The following HS6ST3 variants were observed in gnomAD, a reference collection of about 807,000 sequenced individuals.
HS6ST3 encodes the protein heparan sulfate 6-O-sulfotransferase 3.
In HS6ST3, 12 loss-of-function variants were observed where a neutral mutation model predicts 36.7. The ratio of observed to expected loss-of-function variants is 0.33; its 90% CI spans 0.21 to 0.53. The LOEUF (loss-of-function observed/expected upper bound fraction) is 0.53. Ranked by LOEUF, HS6ST3 falls within the 20% of genes least tolerant of loss-of-function variation. The pLI, the probability that HS6ST3 is intolerant of heterozygous loss-of-function variation, is 0.95. For synonymous variants in HS6ST3, 240 were observed against 257.5 expected (o/e 0.93, Z 0.65); for missense variants, 584 against 640.9 (o/e 0.91, Z 0.96).
Position 96,581,696 on chromosome 13 carries a change from T to C in HS6ST3, c.708-250794T>C, listed in dbSNP as rs144668505. 9.8e-3 allele frequency among the ~76,000 whole-genome samples: 1,495 copies of C among 152,230 alleles called. 19 individuals carry two copies. The highest frequency in any genetic ancestry group is 0.034 in the Admixed American group (525 of 15,288). On this transcript the variant is annotated intron_variant, in intron 1 of 1. Transcript: ENST00000376705. ...AAAAGCAAAACAAGGTAATGAACAA[T>C]GTTGATACAAAAGCAATTTTAGAAA...
chr13:96,385,937 A>G (rs1479695159), intron 1 of HS6ST3, among the ~76,000 whole-genome samples: 1 of 152,194 alleles, frequency 6.6e-6, no homozygotes, highest in Non-Finnish European at 1.5e-5. Flanking sequence ...CTGGGCTCTT[A>G]CTATGTACAT....
intron 1 of HS6ST3, among the ~76,000 whole-genome samples, chr13:96,355,740 G>A (rs780255443): frequency 6.6e-6 from 1 of 152,120 alleles, no homozygotes; most frequent in Non-Finnish European, 1.5e-5. Context: ...AAGGTTGGGT[G>A]ACTGTGGTGA....
At chr13:96,728,654 C>T (rs1467466483) in intron 1 of HS6ST3, among the ~76,000 whole-genome samples, 1 of 152,162 alleles carries the variant, frequency 6.6e-6, no homozygotes, top group Non-Finnish European at 1.5e-5. Flanking sequence ...CATAGTATGA[C>T]AAGCTCAAAT....
At chr13:96,209,148 AG>A (rs1372794598) in intron 1 of HS6ST3, among the ~76,000 whole-genome samples, 7 of 152,228 alleles carry the variant, frequency 4.6e-5, no homozygotes, top group Admixed American at 4.6e-4. Flanking sequence ...ACATCAATAT[AG>A]TAATATAGAT....
intron 1 of HS6ST3, among the ~76,000 whole-genome samples, chr13:96,621,966 G>A (rs1022431774): frequency 1.3e-5 from 2 of 151,122 alleles, no homozygotes; most frequent in African/African-American, 4.9e-5. Flanking sequence ...ATAAAGCAGT[G>A]TTTGGATAGG....
chr13:96,120,580 A>G (rs1256381040), intron 1 of HS6ST3, among the ~76,000 whole-genome samples: 1 of 152,140 alleles, frequency 6.6e-6, no homozygotes, highest in Non-Finnish European at 1.5e-5. Flanking sequence ...AGCATATTGA[A>G]CTTTATTTCC....
chr13:96,210,432 G>T (rs2054393086), intron 1 of HS6ST3, among the ~76,000 whole-genome samples: 1 of 152,110 alleles, frequency 6.6e-6, no homozygotes, highest in South Asian at 2.1e-4. Flanking sequence ...GTGTGACCCT[G>T]GGTCTCTAGG....
intron 1 of HS6ST3, among the ~76,000 whole-genome samples, chr13:96,624,157 G>A (rs957022932): frequency 2.6e-5 from 4 of 152,108 alleles, no homozygotes; most frequent in Admixed American, 1.3e-4. Flanking sequence ...ATGTACAGGT[G>A]TGTGTATATA....
At chr13:96,322,592 GTAAAA>G (rs1334898596) in intron 1 of HS6ST3, among the ~76,000 whole-genome samples, 1 of 151,732 alleles carries the variant, frequency 6.6e-6, no homozygotes, top group Non-Finnish European at 1.5e-5. Context: ...AAATTTTAAA[GTAAAA>G]TAAAATAAAA....
chr13:96,668,338 G>A (rs917122479), intron 1 of HS6ST3, among the ~76,000 whole-genome samples: 5 of 152,156 alleles, frequency 3.3e-5, no homozygotes, highest in African/African-American at 1.2e-4. Context: ...GGCAGGATGA[G>A]AAAACTGATG....
At chr13:96,684,371 A>G (rs960203130) in intron 1 of HS6ST3, among the ~76,000 whole-genome samples, 5 of 152,174 alleles carry the variant, frequency 3.3e-5, no homozygotes, top group Middle Eastern at 3.4e-3. Flanking sequence ...AACTTTAAAT[A>G]GCTAACTTAA....
At chr13:96,697,359 C>T (rs1383947542) in intron 1 of HS6ST3, among the ~76,000 whole-genome samples, 3 of 151,672 alleles carry the variant, frequency 2.0e-5, no homozygotes, top group Non-Finnish European at 4.4e-5. Flanking sequence ...ATATTAGGAC[C>T]AATCCATGTA....
At chr13:96,697,201 G>T (rs1173240007) in intron 1 of HS6ST3, among the ~76,000 whole-genome samples, 2 of 151,648 alleles carry the variant, frequency 1.3e-5, no homozygotes, top group African/African-American at 4.8e-5. Context: ...ATATGTATAT[G>T]TTATGTATAT....
chr13:96,793,069 C>G (rs1283894819), intron 1 of HS6ST3, among the ~76,000 whole-genome samples: 1 of 152,008 alleles, frequency 6.6e-6, no homozygotes, highest in African/African-American at 2.4e-5. Context: ...AATTGCTTAG[C>G]CATGAGGAGT....
chr13:96,145,665 C>T (rs2054054486), intron 1 of HS6ST3, among the ~76,000 whole-genome samples: 1 of 152,022 alleles, frequency 6.6e-6, no homozygotes, highest in Non-Finnish European at 1.5e-5. Flanking sequence ...TAATTAGATC[C>T]CATTTGTCAA....
At chr13:96,768,967 T>C (rs983614012) in intron 1 of HS6ST3, among the ~76,000 whole-genome samples, 1 of 152,098 alleles carries the variant, frequency 6.6e-6, no homozygotes, top group Non-Finnish European at 1.5e-5. Context: ...GACCCGATCA[T>C]TGTTCCAGCT....
At chr13:96,514,381 A>G (rs540500677) in intron 1 of HS6ST3, among the ~76,000 whole-genome samples, 19 of 152,284 alleles carry the variant, frequency 1.2e-4, no homozygotes, top group South Asian at 2.1e-4. Flanking sequence ...CATTGGGATG[A>G]ATGGAGATGC....
intron 1 of HS6ST3, among the ~76,000 whole-genome samples, chr13:96,346,163 G>A (rs2055152934): frequency 6.6e-6 from 1 of 152,206 alleles, no homozygotes; most frequent in Admixed American, 6.5e-5. Flanking sequence ...TACGGTCCAT[G>A]GCCCAGGTGT....
chr13:96,783,776 A>G (rs1441368694), intron 1 of HS6ST3, among the ~76,000 whole-genome samples: 1 of 152,100 alleles, frequency 6.6e-6, no homozygotes, highest in East Asian at 1.9e-4. Context: ...GTGATTCAAC[A>G]GAGCCCGGAA....
Sources: allele counts gnomAD v4.1 joint callset (sites outside exome capture counted in the v4.1 genomes callset), GRCh38; gene constraint gnomAD v4.1.1; transcripts MANE v1.5; gene names NCBI Gene and HGNC (gene_info 2026-07-23, HGNC 2026-07-21).